Variants in BCKDHB observed in about 807,000 individuals in gnomAD.
BCKDHB encodes 2-oxoisovalerate dehydrogenase subunit beta, mitochondrial.
A neutral mutation model predicts 48.5 loss-of-function variants in BCKDHB; 41 were observed. The ratio of observed to expected loss-of-function variants is 0.85; its 90% CI spans 0.66 to 1.10. The LOEUF is 1.10. Among genes scored for constraint, BCKDHB ranks in the 50% least tolerant of loss-of-function variants. The pLI, the probability that BCKDHB is intolerant of heterozygous loss-of-function variation, is 0.00. For synonymous variants in BCKDHB, 201 were observed against 174.8 expected (o/e 1.15, Z -1.18); for missense variants, 496 against 494.2 (o/e 1.00, Z -0.03).
At chr6:80,131,137 C>T (rs182215950) in intron 3 of BCKDHB, among the ~76,000 whole-genome samples, 5 of 152,288 alleles carry the variant, frequency 3.3e-5, no homozygotes, top group East Asian at 1.9e-4. Context: ...GGCATTTTAT[C>T]GATGCCATCT....
the BCKDHB span, among the ~76,000 whole-genome samples, chr6:80,354,931 C>T: frequency 6.6e-6 from 1 of 152,224 alleles, no homozygotes; most frequent in South Asian, 2.1e-4. Flanking sequence ...TGAAATCAAG[C>T]AATGTGATGC....
At chr6:80,175,846 T>A (rs1158616423) in intron 6 of BCKDHB, among the ~76,000 whole-genome samples, 1 of 152,218 alleles carries the variant, frequency 6.6e-6, no homozygotes, top group Non-Finnish European at 1.5e-5. Context: ...AAAAACTAGT[T>A]AAACAGTTTA....
At chr6:80,213,037 G>T (rs1775011774) in intron 8 of BCKDHB, among the ~76,000 whole-genome samples, 1 of 152,156 alleles carries the variant, frequency 6.6e-6, no homozygotes, top group Non-Finnish European at 1.5e-5. Context: ...ACTGTGATAG[G>T]ATTGGTGCTC....
chr6:80,347,571 T>C (rs1452950695), downstream of BCKDHB, among the ~76,000 whole-genome samples: 1 of 152,210 alleles, frequency 6.6e-6, no homozygotes, highest in Non-Finnish European at 1.5e-5. Context: ...TCTAATGCTA[T>C]ATTTTCTATT....
the BCKDHB span, among the ~76,000 whole-genome samples, chr6:80,458,526 G>A: frequency 1.3e-5 from 2 of 152,176 alleles, no homozygotes; most frequent in Admixed American, 6.5e-5. Flanking sequence ...ACGGATTCCT[G>A]TCTAGGCCAC....
At chr6:80,294,664 G>T (rs1229012423) in intron 9 of BCKDHB, among the ~76,000 whole-genome samples, 2 of 152,170 alleles carry the variant, frequency 1.3e-5, no homozygotes, top group African/African-American at 2.4e-5. Flanking sequence ...GATAAGGACT[G>T]AGATACACCC....
intron 8 of BCKDHB, among the ~76,000 whole-genome samples, chr6:80,272,530 A>T (rs1300739833): frequency 6.6e-6 from 1 of 152,180 alleles, no homozygotes; most frequent in Non-Finnish European, 1.5e-5. Context: ...GGACAACCAC[A>T]TTGAACAACT....
chr6:80,447,989 CAT>C, the BCKDHB span, among the ~76,000 whole-genome samples: 1 of 152,050 alleles, frequency 6.6e-6, no homozygotes, highest in African/African-American at 2.4e-5. Context: ...AATAAATAAA[CAT>C]AGAAGTAAAA....
intron 9 of BCKDHB, among the ~76,000 whole-genome samples, chr6:80,301,663 C>T (rs560417591): frequency 6.6e-6 from 1 of 152,260 alleles, no homozygotes; most frequent in South Asian, 2.1e-4. Context: ...ACAAAGACAG[C>T]ATCAGCCTGA....
intron 9 of BCKDHB, among the ~76,000 whole-genome samples, chr6:80,293,686 T>C (rs1194670881): frequency 6.6e-6 from 1 of 152,226 alleles, no homozygotes; most frequent in East Asian, 1.9e-4. Context: ...TCTATTGCAT[T>C]GTCAGTCTGC....
At chr6:80,392,444 A>AT in the BCKDHB span, among the ~76,000 whole-genome samples, 1 of 151,152 alleles carries the variant, frequency 6.6e-6, no homozygotes, top group East Asian at 1.9e-4. Context: ...AATTTTTATT[A>AT]TTTTTTCTCT....
chr6:80,170,456 C>G (rs1040327808), intron 5 of BCKDHB, among the ~76,000 whole-genome samples: 2 of 152,150 alleles, frequency 1.3e-5, no homozygotes, highest in African/African-American at 2.4e-5. Flanking sequence ...AGAGCTTGAG[C>G]TTTGGTATCA....
At chr6:80,299,666 G>A (rs1370277105) in intron 9 of BCKDHB, among the ~76,000 whole-genome samples, 1 of 152,154 alleles carries the variant, frequency 6.6e-6, no homozygotes, top group East Asian at 1.9e-4. Context: ...AATTGTTGAG[G>A]GAATACATTT....
intron 9 of BCKDHB, chr6:80,307,740 C>A: frequency 1.0e-6 from 1 of 981,258 alleles, no homozygotes; most frequent in Non-Finnish European, 1.2e-6. Flanking sequence ...ACCATATTGT[C>A]AGATTTATTT....
intron 1 of BCKDHB, 182 bp from the exon 2 acceptor site, chr6:80,127,365 A>G: frequency 1.7e-6 from 1 of 599,720 alleles, no homozygotes; most frequent in Non-Finnish European, 2.9e-6. Flanking sequence ...TGCCCCATTA[A>G]CAAGCTTCTC....
At chr6:80,246,950 C>T (rs939436227) in intron 8 of BCKDHB, among the ~76,000 whole-genome samples, 2 of 151,896 alleles carry the variant, frequency 1.3e-5, no homozygotes, top group Non-Finnish European at 1.5e-5. Flanking sequence ...TCTAGTTAGA[C>T]ACTTTGGTCC....
chr6:80,271,899 C>T (rs1777762781), intron 8 of BCKDHB, among the ~76,000 whole-genome samples: 1 of 150,224 alleles, frequency 6.7e-6, no homozygotes, highest in African/African-American at 2.4e-5. Flanking sequence ...TTTTAGAAAA[C>T]ACTTTGAAAA....
At chr6:80,178,397 C>G (rs1773263620) in intron 6 of BCKDHB, among the ~76,000 whole-genome samples, 1 of 152,170 alleles carries the variant, frequency 6.6e-6, no homozygotes, top group African/African-American at 2.4e-5. Context: ...GAAGAGATGC[C>G]TCTTTTAAGA....
chr6:80,289,320 C>G (rs149220216), intron 9 of BCKDHB, among the ~76,000 whole-genome samples: 1 of 152,182 alleles, frequency 6.6e-6, no homozygotes, highest in African/African-American at 2.4e-5. Flanking sequence ...CTTCTCCCTT[C>G]TTTGAAATAG....
Sources: gnomAD v4.1 joint callset for allele counts (sites outside exome capture counted in the v4.1 genomes callset) on GRCh38, gnomAD v4.1.1 for gene constraint, MANE v1.5 for transcripts, NCBI Gene and HGNC (gene_info 2026-07-23, HGNC 2026-07-21) for gene names.